Variants in PIP4K2B observed in about 807,000 individuals in gnomAD.
PIP4K2B encodes phosphatidylinositol 5-phosphate 4-kinase type-2 beta.
A neutral mutation model predicts 42.0 loss-of-function variants in PIP4K2B; 3 were observed. The ratio of observed to expected loss-of-function variants is 0.07; its 90% CI spans 0.03 to 0.18. The LOEUF (loss-of-function observed/expected upper bound fraction) is 0.18, where lower values mean the gene tolerates loss of function less well. Among genes scored for constraint, PIP4K2B ranks in the 10% least tolerant of loss-of-function variants. The pLI, the probability that PIP4K2B is intolerant of heterozygous loss-of-function variation, is 1.00. For missense variants in PIP4K2B, 332 were observed against 562.3 expected, an observed-to-expected ratio of 0.59 and a Z score of 4.14; for synonymous variants, 204 against 210.1, an observed-to-expected ratio of 0.97 and a Z score of 0.25.
intron 4 of PIP4K2B, 112 bp from the exon 5 acceptor site, chr17:38,779,641 A>G: frequency 1.1e-6 from 1 of 893,064 alleles, no homozygotes; most frequent in South Asian, 1.6e-5. Context: ...TAACCTCTAG[A>G]CCAGTAGTTC....
intron 1 of PIP4K2B, among the ~76,000 whole-genome samples, chr17:38,793,392 C>A: frequency 6.6e-6 from 1 of 150,864 alleles, no homozygotes; most frequent in South Asian, 2.1e-4. Flanking sequence ...TACAGGCATG[C>A]GCCACCATGC....
intron 9 of PIP4K2B, among the ~76,000 whole-genome samples, chr17:38,770,105 A>G (rs1567650993): frequency 6.6e-6 from 1 of 152,220 alleles, no homozygotes; most frequent in Non-Finnish European, 1.5e-5. Flanking sequence ...GGGGAGCAGT[A>G]TGGGCATGGA....
Position 38,769,694 on chromosome 17 carries a change from C to T in PIP4K2B, c.1248G>A (p.Thr416=), listed in dbSNP as rs148207651. ...TCTGGCTGAAGGTAGAAGAGAACTA[C>T]GTCAGGATGTTGGACATAAACTCGT... ...RFNEFMSNIL[T] The change falls in exon 10 of 10, where the codon ACG becomes ACA. Residue 416 remains threonine (T), a synonymous_variant. Coordinates refer to ENST00000619039, the MANE Select transcript of PIP4K2B (RefSeq NM_003559.5). 227 of 1,541,546 alleles carry T rather than the reference C, an allele frequency of 1.5e-4. 1 individual carries two copies. In the African/African-American group the frequency reaches 2.6e-3, roughly 18 times the overall value.
chr17:38,793,695 AC>A (rs2143482393), intron 1 of PIP4K2B, among the ~76,000 whole-genome samples: 1 of 151,882 alleles, frequency 6.6e-6, no homozygotes, highest in South Asian at 2.1e-4. Context: ...ACATGGCAAA[AC>A]CCCGACTCTT....
At chr17:38,778,395 G>A (rs1598047556) in intron 5 of PIP4K2B, 23 bp from the exon 6 acceptor site, 3 of 1,613,530 alleles carry the variant, frequency 1.9e-6, no homozygotes, top group Non-Finnish European at 2.5e-6. Context: ...GAGCCATCAG[G>A]GGAAGTCAAG....
At chr17:38,778,544 G>A (rs1340011587) in intron 5 of PIP4K2B, among the ~76,000 whole-genome samples, 172 bp from the exon 6 acceptor site, 1 of 152,202 alleles carries the variant, frequency 6.6e-6, no homozygotes, top group Non-Finnish European at 1.5e-5. Flanking sequence ...AGCTCTATGT[G>A]CAAGACACTT....
At position 38,779,678 on chromosome 17, in the gene PIP4K2B, G is replaced by T. The variant is rs1909589952; in HGVS notation, c.508-149C>A. ...CCAGCTGGGTTCTATGAAGTAATAG[G>T]GGTTTCTCAGGCTTAAAATGGGCAA... On this transcript the variant is annotated intron_variant, in intron 4 of 9. Coordinates refer to ENST00000619039, the MANE Select transcript of PIP4K2B (RefSeq NM_003559.5). 12 of 653,686 alleles carry T rather than the reference G, an allele frequency of 1.8e-5. No individual in the cohort carries two copies. In the South Asian group the frequency reaches 2.3e-4, roughly 13 times the overall value. 40.5% of individuals were successfully genotyped at this position (653,686 alleles called of 1,614,324 possible).
rs771145534 is a variant in PIP4K2B at position 38,776,557 on chromosome 17, C to T, written c.807+1130G>A. 67 of 396,326 alleles carry T rather than the reference C, an allele frequency of 1.7e-4. 3 individuals are homozygous for T. The highest frequency in any genetic ancestry group is 8.5e-4 in the Middle Eastern group (1 of 1,178). 24.6% of individuals were successfully genotyped at this position (396,326 alleles called of 1,614,324 possible). ...AGGAGAATCACTTGAACCCAGGAGG[C>T]GGAGGTTGCAGTGAGCCGAGATCGT... On this transcript the variant is annotated intron_variant, in intron 7 of 9. Coordinates refer to ENST00000619039, the MANE Select transcript of PIP4K2B (RefSeq NM_003559.5).
chr17:38,786,953 C>T (rs1028141255), intron 1 of PIP4K2B, 33 bp from the exon 2 acceptor site: 2 of 1,383,824 alleles, frequency 1.4e-6, no homozygotes, highest in African/African-American at 2.8e-5. Flanking sequence ...GGCTCTCAGC[C>T]AGGAGGCCAC....
At chr17:38,773,478 T>C (rs1909157574) in intron 7 of PIP4K2B, among the ~76,000 whole-genome samples, 1 of 152,140 alleles carries the variant, frequency 6.6e-6, no homozygotes, top group African/African-American at 2.4e-5. Flanking sequence ...AAGTCTTTTA[T>C]CTAGGATTTC....
intron 6 of PIP4K2B, 109 bp from the exon 7 acceptor site, chr17:38,777,909 A>G: frequency 1.5e-6 from 1 of 667,058 alleles, no homozygotes. Context: ...AGGGGTTGTC[A>G]GTGTACCGAC....
chr17:38,780,542 G>A lies in PIP4K2B; in HGVS notation c.417C>T (p.Phe139=), dbSNP rs1413230526. Residue 139 remains phenylalanine, a synonymous_variant, in exon 4 of 10, where the codon TTC becomes TTT. Transcript: ENST00000619039. ...CAAAGCGCCGGTCGTAGGTGGTGAGGAAACGCGTGCCACACCGACCCTGGC... is the reference window on the plus strand; with the variant it reads ...CAAAGCGCCGGTCGTAGGTGGTGAGAAAACGCGTGCCACACCGACCCTGGC... ...SDSQGRCGTR[F]LTTYDRRFVI... is the part of the protein sequence containing the mutation. The A allele has an allele frequency of 6.2e-7, 1 of 1,614,044 alleles. No homozygotes were observed. The highest frequency in any genetic ancestry group is 1.7e-5 in the Admixed American group (1 of 60,022).
chr17:38,773,255 G>A lies in PIP4K2B; in HGVS notation c.808-1983C>T, dbSNP rs183942755. ...AAAAAACTATGTCATCGACTTTTCA[G>A]CCCAGGTAAAAATAGAAAAAAAAGG... On this transcript the variant is annotated intron_variant, in intron 7 of 9. Transcript: ENST00000619039. 5.9e-4 allele frequency among the ~76,000 whole-genome samples: 90 copies of A among 152,134 alleles called. 1 individual carries two copies. The East Asian group carries it at 0.012, about 20-fold the overall frequency.
chr17:38,794,611 A>T (rs1353636971), intron 1 of PIP4K2B, among the ~76,000 whole-genome samples: 1 of 2,314 alleles, frequency 4.3e-4, no homozygotes, highest in Non-Finnish European at 8.7e-4. Context: ...CAATTCATTA[A>T]AAAAAAAAAA....
chr17:38,798,926 G>A (rs933801008), intron 1 of PIP4K2B, among the ~76,000 whole-genome samples: 3 of 152,234 alleles, frequency 2.0e-5, no homozygotes, highest in Admixed American at 2.0e-4. Context: ...CAGGATGAGG[G>A]GGGAGGAGGA....
chr17:38,780,316 A>G (rs1042552850), intron 4 of PIP4K2B, 136 bp downstream of exon 4: 6 of 629,734 alleles, frequency 9.5e-6, no homozygotes, highest in Non-Finnish European at 1.6e-5. Flanking sequence ...CGGTTGCAGG[A>G]GAGTCCCACT....
At position 38,799,226 on chromosome 17, in the gene PIP4K2B, C is replaced by T. The variant is rs749187363; in HGVS notation, c.159+40G>A. The T allele has an allele frequency of 6.5e-7, 1 of 1,544,006 alleles. No individual in the cohort carries two copies. The highest frequency in any genetic ancestry group is 8.7e-7 in the Non-Finnish European group (1 of 1,150,970). On this transcript the variant is annotated intron_variant, in intron 1 of 9. Transcript: ENST00000619039. This position sits in a 1 kb window ranked among gnomAD's most constrained non-coding sequence, Gnocchi z 4.4. ...CAGGGCTGCAGGGGGCGTGGGAGCG[C>T]GCGGGGCCGCGCTCAGAGGGGCGCG...
At chr17:38,791,856 G>A (rs575431199) in intron 1 of PIP4K2B, among the ~76,000 whole-genome samples, 6 of 150,890 alleles carry the variant, frequency 4.0e-5, no homozygotes, top group African/African-American at 1.2e-4. Flanking sequence ...TTGGGAGGCC[G>A]AGGCGGGCGG....
chr17:38,768,656 G>C lies in PIP4K2B; in HGVS notation c.*1035C>G, dbSNP rs1344997565. The C allele has an allele frequency of 6.6e-6, 1 of 152,216 alleles. No individual in the cohort carries two copies. Among genetic ancestry groups the C allele is most frequent in the African/African-American group, 2.4e-5 (1 of 41,414 alleles). 9.4% of individuals were successfully genotyped at this position (152,216 alleles called of 1,614,324 possible). A position where few individuals can be genotyped will look rare whatever the true frequency, so the allele number is the denominator to read the frequency against. On this transcript the variant is annotated 3_prime_UTR_variant, in exon 10 of 10. Coordinates refer to ENST00000619039, the MANE Select transcript of PIP4K2B (RefSeq NM_003559.5). ...CGCTTGGAGATCTGCCCAGAGCTAA[G>C]AGTTCGGCTAGAAGTAAGAGTGCCT...
Sources: gnomAD v4.1 joint callset for allele counts (sites outside exome capture counted in the v4.1 genomes callset) on GRCh38, gnomAD v4.1.1 for gene constraint, Gnocchi (gnomAD v3.1) non-coding constraint, MANE v1.5 for transcripts, NCBI Gene and HGNC (gene_info 2026-07-23, HGNC 2026-07-21) for gene names.